The following RORA variants were observed in gnomAD, a reference collection of about 807,000 sequenced individuals.
The protein encoded by RORA is RAR related orphan receptor A, also known as nuclear receptor ROR-alpha.
RORA carries 7 observed loss-of-function variants against 69.5 expected under a neutral mutation model. The observed-to-expected ratio is 0.10, with a 90% CI of 0.06 to 0.19. RORA has a LOEUF of 0.19. RORA is among the 10% of genes least tolerant of loss of function. RORA has a pLI of 1.00. For synonymous variants in RORA, 261 were observed against 240.8 expected (o/e 1.08, Z -0.78); for missense variants, 457 against 663.0 (o/e 0.69, Z 3.41).
At position 61,177,875 on chromosome 15, in the gene RORA, T is replaced by C. The variant is rs531517845; in HGVS notation, c.166+51178A>G. Among the ~76,000 whole-genome samples, 226 of 149,720 alleles carry C rather than the reference T, an allele frequency of 1.5e-3. 3 individuals are homozygous for C. The highest frequency in any genetic ancestry group is 5.4e-3 in the African/African-American group (221 of 40,596). On this transcript the variant is annotated intron_variant, in intron 1 of 10. Transcript: ENST00000335670. ...TGCTCGGGAGGCTGAGCCAGGAGAA[T>C]CCCTTGAACTCAGGAAGCGGAGGCT...
intron 2 of RORA, among the ~76,000 whole-genome samples, chr15:60,533,997 C>T (rs1210083041): frequency 6.6e-6 from 1 of 152,184 alleles, no homozygotes; most frequent in Non-Finnish European, 1.5e-5. Flanking sequence ...GGAGATCAAG[C>T]ATGTCTATTT....
chr15:60,805,911 C>A (rs17270480), intron 1 of RORA, among the ~76,000 whole-genome samples: 3,329 of 152,294 alleles, frequency 0.022, 42 homozygotes, highest in Non-Finnish European at 0.032. Flanking sequence ...AAATTGGCAA[C>A]ACAAGTCACA....
intron 2 of RORA, among the ~76,000 whole-genome samples, chr15:60,643,872 A>C (rs1004923398): frequency 6.6e-6 from 1 of 152,218 alleles, no homozygotes; most frequent in East Asian, 1.9e-4. Context: ...ATGGGAAAAA[A>C]TAAATAAAAA....
At chr15:61,066,879 CAAAAAAAAAAAA>C (rs33936803) in intron 1 of RORA, among the ~76,000 whole-genome samples, 1 of 71,294 alleles carries the variant, frequency 1.4e-5, no homozygotes, top group Non-Finnish European at 2.5e-5. Context: ...TTCATAAGAC[CAAAAAAAAAAAA>C]AAAAAAAAAA....
intron 1 of RORA, among the ~76,000 whole-genome samples, chr15:60,901,574 A>C (rs1891394984): frequency 6.6e-6 from 1 of 152,256 alleles, no homozygotes; most frequent in African/African-American, 2.4e-5. Flanking sequence ...CAAATAACTT[A>C]ACAAGTATTT....
intron 1 of RORA, among the ~76,000 whole-genome samples, chr15:61,062,883 G>A (rs2078206409): frequency 6.6e-6 from 1 of 152,120 alleles, no homozygotes; most frequent in Admixed American, 6.5e-5. Context: ...GGTAGAATAA[G>A]GCATCCCACT....
intron 2 of RORA, among the ~76,000 whole-genome samples, chr15:60,670,533 A>G (rs955282809): frequency 6.6e-6 from 1 of 152,094 alleles, no homozygotes; most frequent in African/African-American, 2.4e-5. Context: ...CCTTCTAATC[A>G]GTATCCTTGG....
At position 61,184,355 on chromosome 15, in the gene RORA, C is replaced by T. The variant is rs115560435; in HGVS notation, c.166+44698G>A. Reference sequence around the variant, plus strand: ...TGGTCAGTTATCTTCCCAAACTTCACGCATTACATCATCTCCTCCAGGAAG... The same window carrying T: ...TGGTCAGTTATCTTCCCAAACTTCATGCATTACATCATCTCCTCCAGGAAG... On this transcript the variant is annotated intron_variant, in intron 1 of 10. Coordinates refer to ENST00000335670, the MANE Select transcript of RORA (RefSeq NM_134261.3). 1.8e-4 allele frequency among the ~76,000 whole-genome samples: 28 copies of T among 152,248 alleles called. No homozygotes were observed. In the East Asian group the frequency reaches 3.7e-3, roughly 20 times the overall value.
intron 2 of RORA, among the ~76,000 whole-genome samples, chr15:60,677,899 A>G (rs2070577546): frequency 6.6e-6 from 1 of 152,204 alleles, no homozygotes; most frequent in Admixed American, 6.5e-5. Flanking sequence ...CCATTAATTC[A>G]AAGCCTAAAT....
intron 1 of RORA, among the ~76,000 whole-genome samples, chr15:60,714,776 G>A (rs2071198231): frequency 6.6e-6 from 1 of 152,158 alleles, no homozygotes; most frequent in African/African-American, 2.4e-5. Flanking sequence ...ATATACTGAT[G>A]TGATGTGTGA....
intron 2 of RORA, among the ~76,000 whole-genome samples, chr15:60,662,349 G>T (rs1049103117): frequency 1.3e-5 from 2 of 152,188 alleles, no homozygotes; most frequent in African/African-American, 4.8e-5. Context: ...AAATATTTCA[G>T]ATACTGTATC....
intron 3 of RORA, among the ~76,000 whole-genome samples, chr15:60,523,856 G>C (rs962398958): frequency 6.6e-6 from 1 of 152,086 alleles, no homozygotes; most frequent in Non-Finnish European, 1.5e-5. Context: ...ATTTTTTGTA[G>C]AGGAGACAGG....
At chr15:61,013,413 C>T (rs17237570) in intron 1 of RORA, among the ~76,000 whole-genome samples, 24,740 of 152,174 alleles carry the variant, frequency 0.16, 3,068 homozygotes, top group East Asian at 0.49. Context: ...ACTTCTGCTC[C>T]GGATGACTGC....
At chr15:60,673,995 G>A (rs2140740808) in intron 2 of RORA, among the ~76,000 whole-genome samples, 1 of 152,272 alleles carries the variant, frequency 6.6e-6, no homozygotes, top group South Asian at 2.1e-4. Flanking sequence ...CCCTTTTCCT[G>A]ACTATTTGTC....
intron 2 of RORA, among the ~76,000 whole-genome samples, chr15:60,553,968 A>T (rs928371220): frequency 2.0e-5 from 3 of 152,170 alleles, no homozygotes; most frequent in Non-Finnish European, 4.4e-5. Context: ...AATTTCTGTG[A>T]GGCCCCCTCA....
At chr15:61,110,393 C>CAA (rs11343941) in intron 1 of RORA, among the ~76,000 whole-genome samples, 9 of 113,726 alleles carry the variant, frequency 7.9e-5, no homozygotes, top group East Asian at 5.2e-4. Flanking sequence ...GACTCAGTCT[C>CAA]AAAAAAAAAA....
chr15:60,734,569 T>C (rs536947938), intron 1 of RORA, among the ~76,000 whole-genome samples: 1 of 152,316 alleles, frequency 6.6e-6, no homozygotes, highest in South Asian at 2.1e-4. Context: ...TCTTTGTAAA[T>C]AGGAGACAGG....
chr15:61,100,256 T>C (rs1438543365), intron 1 of RORA, among the ~76,000 whole-genome samples: 1 of 151,810 alleles, frequency 6.6e-6, no homozygotes, highest in Non-Finnish European at 1.5e-5. Flanking sequence ...GTAGCTGGGA[T>C]TACAGGCACG....
At chr15:61,041,420 A>G (rs1272606522) in intron 1 of RORA, among the ~76,000 whole-genome samples, 2 of 152,234 alleles carry the variant, frequency 1.3e-5, no homozygotes, top group Non-Finnish European at 2.9e-5. Context: ...GGCAGTAAGA[A>G]AAGGAGGAGA....
Sources: allele counts gnomAD v4.1 joint callset (sites outside exome capture counted in the v4.1 genomes callset), GRCh38; gene constraint gnomAD v4.1.1; transcripts MANE v1.5; gene names NCBI Gene and HGNC (gene_info 2026-07-23, HGNC 2026-07-21).